Variants in USP12 observed in about 807,000 individuals in gnomAD.
USP12 encodes the protein ubiquitin carboxyl-terminal hydrolase 12.
A neutral mutation model predicts 45.5 loss-of-function variants in USP12; 19 were observed. The ratio of observed to expected loss-of-function variants is 0.42; its 90% CI spans 0.29 to 0.61. USP12 has a LOEUF of 0.61. Ranked by LOEUF, USP12 falls within the 20% of genes least tolerant of loss-of-function variation. The pLI, the probability that USP12 is intolerant of heterozygous loss-of-function variation, is 0.22. For missense variants in USP12, 242 were observed against 447.7 expected (o/e 0.54, Z 4.15); for synonymous variants, 149 against 148.8 (o/e 1.00, Z -0.01).
chr13:27,112,484 A>C (rs906001621), intron 2 of USP12, among the ~76,000 whole-genome samples: 3 of 151,072 alleles, frequency 2.0e-5, no homozygotes, highest in Non-Finnish European at 4.4e-5. Context: ...ACAGGGTCTC[A>C]CTCTGTTGCC....
intron 2 of USP12, among the ~76,000 whole-genome samples, chr13:27,108,530 T>A (rs1038872996): frequency 3.5e-4 from 51 of 145,450 alleles, no homozygotes; most frequent in African/African-American, 4.5e-4. Flanking sequence ...ACTTAAAGCA[T>A]AAAAAAAAAA....
chr13:27,123,460 C>T (rs551008824), intron 1 of USP12, among the ~76,000 whole-genome samples: 25 of 152,322 alleles, frequency 1.6e-4, no homozygotes, highest in Middle Eastern at 6.8e-3. Context: ...ATATCCTCAA[C>T]AATAGCCATC....
chr13:27,116,214 A>T (rs1370489803), intron 2 of USP12, among the ~76,000 whole-genome samples: 1 of 150,214 alleles, frequency 6.7e-6, no homozygotes, highest in Non-Finnish European at 1.5e-5. Flanking sequence ...CGGGAGGCTG[A>T]GGCAGGAGAA....
chr13:27,122,450 T>C (rs1242394469), intron 1 of USP12, among the ~76,000 whole-genome samples: 1 of 151,750 alleles, frequency 6.6e-6, no homozygotes, highest in Non-Finnish European at 1.5e-5. Context: ...ACATCTTTAT[T>C]GGCAGTGTGG....
intron 6 of USP12, among the ~76,000 whole-genome samples, chr13:27,080,082 T>C (rs940270627): frequency 6.6e-6 from 1 of 152,176 alleles, no homozygotes; most frequent in Non-Finnish European, 1.5e-5. Context: ...ATGAGGCTCA[T>C]GACATACCCC....
chr13:27,156,144 C>T (rs1877830654), intron 1 of USP12, among the ~76,000 whole-genome samples: 3 of 151,222 alleles, frequency 2.0e-5, no homozygotes, highest in Non-Finnish European at 4.4e-5. Context: ...TAAAGAGACA[C>T]GACATTCCAC....
At chr13:27,094,821 T>C (rs528862773) in intron 4 of USP12, among the ~76,000 whole-genome samples, 1 of 151,766 alleles carries the variant, frequency 6.6e-6, no homozygotes, top group Admixed American at 6.6e-5. Context: ...CCCCTCTAAA[T>C]TGGATTCTGT....
chr13:27,151,450 T>C (rs889271746), intron 1 of USP12, among the ~76,000 whole-genome samples: 1 of 151,626 alleles, frequency 6.6e-6, no homozygotes, highest in African/African-American at 2.4e-5. Context: ...GCAAATAAGG[T>C]AACTAACAAG....
chr13:27,081,943 G>A (rs923169758), intron 6 of USP12, among the ~76,000 whole-genome samples: 1 of 152,174 alleles, frequency 6.6e-6, no homozygotes, highest in African/African-American at 2.4e-5. Flanking sequence ...ATAAACAGGT[G>A]TGCTGTCATC....
intron 1 of USP12, 69 bp from the exon 2 acceptor site, chr13:27,116,665 A>G (rs1875758336): frequency 6.9e-7 from 1 of 1,458,568 alleles, no homozygotes; most frequent in African/African-American, 1.4e-5. Context: ...ACTTCAGTCA[A>G]TGACAGGCCG....
At chr13:27,155,832 TG>T (rs1877814742) in intron 1 of USP12, among the ~76,000 whole-genome samples, 1 of 152,214 alleles carries the variant, frequency 6.6e-6, no homozygotes. Context: ...CAACTTAATT[TG>T]TAAACTTTAG....
intron 1 of USP12, among the ~76,000 whole-genome samples, chr13:27,149,483 AG>A (rs1363049411): frequency 2.0e-5 from 3 of 152,224 alleles, no homozygotes; most frequent in Admixed American, 1.3e-4. Flanking sequence ...AAAACCCTAA[AG>A]AATCCACTAA....
intron 1 of USP12, among the ~76,000 whole-genome samples, chr13:27,154,935 G>A (rs2137835689): frequency 6.6e-6 from 1 of 152,074 alleles, no homozygotes; most frequent in South Asian, 2.1e-4. Context: ...GGAGCCAAAA[G>A]GCAAGGGCAG....
At chr13:27,149,829 A>T (rs1480775144) in intron 1 of USP12, among the ~76,000 whole-genome samples, 2 of 152,234 alleles carry the variant, frequency 1.3e-5, no homozygotes, top group Non-Finnish European at 2.9e-5. Flanking sequence ...TTAGATTCTC[A>T]TAAGGAATGT....
intron 1 of USP12, among the ~76,000 whole-genome samples, chr13:27,134,089 A>G (rs1876667565): frequency 6.6e-6 from 1 of 152,212 alleles, no homozygotes; most frequent in Non-Finnish European, 1.5e-5. Context: ...GGCTGCAGTG[A>G]GCTATGATCA....
At chr13:27,089,825 T>C in intron 6 of USP12, 58 bp downstream of exon 6, 1 of 1,548,022 alleles carries the variant, frequency 6.5e-7, no homozygotes, top group South Asian at 1.2e-5. Flanking sequence ...TAAGCCCACC[T>C]CCAACATCAA....
chr13:27,116,261 G>A (rs948253094), intron 2 of USP12, among the ~76,000 whole-genome samples: 18 of 146,490 alleles, frequency 1.2e-4, no homozygotes, highest in African/African-American at 4.6e-4. Context: ...GCAGTGAGCC[G>A]AGATCGCGCC....
At chr13:27,088,116 T>C (rs972854586) in intron 6 of USP12, among the ~76,000 whole-genome samples, 1 of 152,178 alleles carries the variant, frequency 6.6e-6, no homozygotes, top group African/African-American at 2.4e-5. Flanking sequence ...GGCCTCAAAC[T>C]ATCCTTAGAA....
intron 1 of USP12, among the ~76,000 whole-genome samples, chr13:27,153,193 T>C (rs555347529): frequency 6.6e-6 from 1 of 151,402 alleles, no homozygotes; most frequent in African/African-American, 2.4e-5. Context: ...ATTAGCCAGG[T>C]GTGGTGGCAG....
Sources: gnomAD v4.1 joint callset for allele counts (sites outside exome capture counted in the v4.1 genomes callset) on GRCh38, gnomAD v4.1.1 for gene constraint, MANE v1.5 for transcripts, NCBI Gene and HGNC (gene_info 2026-07-23, HGNC 2026-07-21) for gene names.